Variants in ARL15 observed in about 807,000 individuals in gnomAD.
The protein encoded by ARL15 is ADP-ribosylation factor-like protein 15.
Under a neutral mutation model 25.2 loss-of-function variants are expected in ARL15, and 19 were observed. That is an observed-to-expected ratio of 0.75 (90% CI 0.53 to 1.10). ARL15 has a LOEUF of 1.10. ARL15 is among the 50% of genes least tolerant of loss of function. ARL15 has a pLI of 0.00. For synonymous variants in ARL15, 94 were observed against 86.8 expected (o/e 1.08, Z -0.46); for missense variants, 220 against 246.0 (o/e 0.89, Z 0.71).
chr5:53,933,966 C>T (rs560957617), intron 4 of ARL15, among the ~76,000 whole-genome samples: 1 of 152,234 alleles, frequency 6.6e-6, no homozygotes, highest in African/African-American at 2.4e-5. Flanking sequence ...AAATCAGTCA[C>T]TATTGGTAAA....
rs3836818 is a variant in ARL15 at position 54,075,073 on chromosome 5, G to GAAAAAAAAAAAAA, written c.462+38116_462+38128dup. ...GAATGATTCTTAGTACAGAATACAG[G>GAAAAAAAAAAAAA]AAAAAAAAAAAAAAAAAAAGTCCTG... On this transcript the variant is annotated intron_variant, in intron 4 of 4. Transcript: ENST00000504924. Among the ~76,000 whole-genome samples, 21 of 63,912 alleles carry GAAAAAAAAAAAAA rather than the reference G, an allele frequency of 3.3e-4. 3 individuals carry two copies. Among genetic ancestry groups the GAAAAAAAAAAAAA allele is most frequent in the South Asian group, 1.2e-3 (2 of 1,620 alleles). The allele number at this position is 63,912 out of a possible 152,430, so 41.9% of individuals were successfully genotyped here.
At chr5:54,070,685 A>G (rs930023864) in intron 4 of ARL15, among the ~76,000 whole-genome samples, 1 of 151,458 alleles carries the variant, frequency 6.6e-6, no homozygotes, top group African/African-American at 2.4e-5. Flanking sequence ...TACTAAAAAT[A>G]CAAAAAAATA....
intron 1 of ARL15, among the ~76,000 whole-genome samples, chr5:54,301,017 T>C (rs1000121028): frequency 6.6e-6 from 1 of 152,236 alleles, no homozygotes. Context: ...TGCCTGGCCC[T>C]GGCCCTGCCT....
At chr5:54,019,103 T>C (rs1175069482) in intron 4 of ARL15, among the ~76,000 whole-genome samples, 2 of 152,084 alleles carry the variant, frequency 1.3e-5, no homozygotes. Context: ...ATTTATAAAA[T>C]TGATGAATTT....
intron 4 of ARL15, among the ~76,000 whole-genome samples, chr5:53,958,658 T>C (rs1254308350): frequency 6.6e-6 from 1 of 152,164 alleles, no homozygotes; most frequent in Admixed American, 6.5e-5. Flanking sequence ...TCCAACCATA[T>C]ACTGTTTATA....
intron 4 of ARL15, among the ~76,000 whole-genome samples, chr5:54,018,073 C>T (rs1217224401): frequency 5.3e-5 from 8 of 152,140 alleles, no homozygotes; most frequent in South Asian, 2.1e-4. Flanking sequence ...TGAAGAAGCA[C>T]ATTCCACATG....
intron 4 of ARL15, among the ~76,000 whole-genome samples, chr5:53,979,596 C>G (rs999005286): frequency 6.6e-6 from 1 of 152,026 alleles, no homozygotes; most frequent in African/African-American, 2.4e-5. Flanking sequence ...CTATAGCAAC[C>G]TCTTTTAATC....
chr5:53,949,703 C>T (rs1228606784), intron 4 of ARL15, among the ~76,000 whole-genome samples: 1 of 152,164 alleles, frequency 6.6e-6, no homozygotes, highest in Non-Finnish European at 1.5e-5. Flanking sequence ...GAGTTAACCT[C>T]TTATATTTTG....
chr5:54,132,325 T>C lies in ARL15; in HGVS notation c.254-18915A>G, dbSNP rs1753463300. ...AAATATATTTATGCATTTAATATAA[T>C]AAACATTTTAATCTTTCCAAATTTA... On this transcript the variant is annotated intron_variant, in intron 3 of 4. Transcript: ENST00000504924. Among the ~76,000 whole-genome samples, 4 of 152,192 alleles carry C rather than the reference T, an allele frequency of 2.6e-5. No individual in the cohort carries two copies. The South Asian group carries it at 8.3e-4, about 32-fold the overall frequency.
At chr5:54,113,902 T>A (rs1752815739) in intron 3 of ARL15, among the ~76,000 whole-genome samples, 1 of 152,182 alleles carries the variant, frequency 6.6e-6, no homozygotes, top group Admixed American at 6.5e-5. Context: ...TTGTTTAATT[T>A]CACCTAGGGA....
chr5:53,991,561 AGGGG>A (rs150250231), intron 4 of ARL15, among the ~76,000 whole-genome samples: 1 of 92,072 alleles, frequency 1.1e-5, no homozygotes, highest in African/African-American at 3.8e-5. Context: ...AAAAAAAAAA[AGGGG>A]GGGCGGGGGG....
Position 53,988,368 on chromosome 5 carries a change from G to C in ARL15, c.463-101655C>G, listed in dbSNP as rs188347012. Among the ~76,000 whole-genome samples, 463 of 150,652 alleles carry C rather than the reference G, an allele frequency of 3.1e-3. 2 individuals carry two copies. Among genetic ancestry groups the C allele is most frequent in the African/African-American group, 0.011 (448 of 41,128 alleles). On this transcript the variant is annotated intron_variant, in intron 4 of 4. Coordinates refer to ENST00000504924, the MANE Select transcript of ARL15 (RefSeq NM_019087.3). ...GAGATAAGATCTTTTCAACTTTATA[G>C]TTGAAAAAAACTACATGGACAATAG...
chr5:53,955,908 C>G (rs898428827), intron 4 of ARL15, among the ~76,000 whole-genome samples: 1 of 152,098 alleles, frequency 6.6e-6, no homozygotes, highest in African/African-American at 2.4e-5. Context: ...GAGGTGGAAA[C>G]CCTGCAGCTG....
chr5:54,026,670 C>A (rs139605437), intron 4 of ARL15, among the ~76,000 whole-genome samples: 44 of 152,256 alleles, frequency 2.9e-4, no homozygotes, highest in African/African-American at 1.0e-3. Context: ...GTTACAGAAG[C>A]TAAGTGGGAC....
intron 4 of ARL15, among the ~76,000 whole-genome samples, chr5:54,095,471 C>T (rs1338939906): frequency 6.6e-6 from 1 of 152,038 alleles, no homozygotes; most frequent in African/African-American, 2.4e-5. Context: ...AATGAAAAAA[C>T]ACGTGAATGA....
chr5:54,002,470 G>A (rs1055320994), intron 4 of ARL15, among the ~76,000 whole-genome samples: 1 of 152,216 alleles, frequency 6.6e-6, no homozygotes, highest in Non-Finnish European at 1.5e-5. Context: ...AGAAGAAGTT[G>A]TTGATGTTTA....
intron 4 of ARL15, among the ~76,000 whole-genome samples, chr5:54,033,421 G>C (rs1447261144): frequency 6.6e-6 from 1 of 152,162 alleles, no homozygotes; most frequent in Non-Finnish European, 1.5e-5. Flanking sequence ...TGTGATCCCA[G>C]CACTTTGGGA....
intron 4 of ARL15, among the ~76,000 whole-genome samples, chr5:53,943,157 G>C (rs1371913438): frequency 6.6e-6 from 1 of 152,116 alleles, no homozygotes; most frequent in Non-Finnish European, 1.5e-5. Flanking sequence ...ATTTTTAAAA[G>C]ATTTTAACGG....
intron 1 of ARL15, among the ~76,000 whole-genome samples, chr5:54,221,896 GCA>G (rs1756388923): frequency 6.7e-6 from 1 of 150,096 alleles, no homozygotes; most frequent in African/African-American, 2.5e-5. Flanking sequence ...ATGTGTGCAT[GCA>G]CAGTGTGTGC....
Sources: allele counts gnomAD v4.1 joint callset (sites outside exome capture counted in the v4.1 genomes callset), GRCh38; gene constraint gnomAD v4.1.1; transcripts MANE v1.5; gene names NCBI Gene and HGNC (gene_info 2026-07-23, HGNC 2026-07-21).